The following SUGCT variants were observed in gnomAD, a reference collection of about 807,000 sequenced individuals.
The protein encoded by SUGCT is succinyl-CoA:glutarate-CoA transferase.
Under a neutral mutation model 55.0 loss-of-function variants are expected in SUGCT, and 41 were observed. The ratio of observed to expected loss-of-function variants is 0.74; its 90% CI spans 0.58 to 0.97. The LOEUF (loss-of-function observed/expected upper bound fraction) is 0.97. Among genes scored for constraint, SUGCT ranks in the 50% least tolerant of loss-of-function variants. The pLI, the probability that SUGCT is intolerant of heterozygous loss-of-function variation, is 0.00. For synonymous variants in SUGCT, 187 were observed against 200.4 expected (o/e 0.93, Z 0.56); for missense variants, 568 against 547.8 (o/e 1.04, Z -0.37).
At chr7:40,329,702 ATT>A (rs903208627) in intron 9 of SUGCT, among the ~76,000 whole-genome samples, 10 of 152,102 alleles carry the variant, frequency 6.6e-5, no homozygotes, top group African/African-American at 2.4e-4. Context: ...TGCACAGGTG[ATT>A]TGTTTTCCTT....
chr7:40,368,961 A>G (rs919924167), intron 9 of SUGCT, among the ~76,000 whole-genome samples: 2 of 152,014 alleles, frequency 1.3e-5, no homozygotes, highest in African/African-American at 4.8e-5. Context: ...AAAATTAGCT[A>G]GGCATGGTGG....
chr7:40,904,009 A>G, the SUGCT span, among the ~76,000 whole-genome samples: 3 of 152,308 alleles, frequency 2.0e-5, no homozygotes, highest in Non-Finnish European at 2.9e-5. Context: ...CGCAGCTTAC[A>G]TCACGCATAC....
intron 11 of SUGCT, among the ~76,000 whole-genome samples, chr7:40,460,081 G>GCA (rs1789709125): frequency 6.6e-6 from 1 of 152,064 alleles, no homozygotes; most frequent in Non-Finnish European, 1.5e-5. Flanking sequence ...GTGTTTCTAT[G>GCA]TAGTATACAT....
chr7:40,154,086 T>G, intron 1 of SUGCT: 1 of 241,910 alleles, frequency 4.1e-6, no homozygotes, highest in East Asian at 1.1e-4. Context: ...TGCTGCAGTT[T>G]ATATTTTGAA....
At chr7:40,710,586 G>A (rs2128671043) in intron 12 of SUGCT, among the ~76,000 whole-genome samples, 1 of 152,134 alleles carries the variant, frequency 6.6e-6, no homozygotes, top group South Asian at 2.1e-4. Context: ...CTGTGTGTGT[G>A]CAAGCAGGAG....
In SUGCT at chr7:40,406,288, T is replaced by C. The variant is rs77161345; in HGVS notation, c.817-42999T>C. On this transcript the variant is annotated intron_variant, in intron 9 of 13. Coordinates refer to ENST00000335693, the MANE Select transcript of SUGCT (RefSeq NM_001193313.2). ...ATCTTAGGTTTGACAATGGTAATAT[T>C]ATATATAGGAGTAACTGGGGAGGTT... Among the ~76,000 whole-genome samples the C allele has an allele frequency of 4.9e-3, 744 of 152,146 alleles. 2 individuals are homozygous for C. Among genetic ancestry groups the C allele is most frequent in the African/African-American group, 0.017 (710 of 41,526 alleles).
intron 12 of SUGCT, among the ~76,000 whole-genome samples, chr7:40,659,551 G>T (rs1801200313): frequency 1.3e-5 from 2 of 152,206 alleles, no homozygotes; most frequent in Non-Finnish European, 2.9e-5. Flanking sequence ...TCCTGTTCTA[G>T]TAGTCACATA....
chr7:40,603,351 A>G (rs533677537), intron 12 of SUGCT, among the ~76,000 whole-genome samples: 1 of 152,198 alleles, frequency 6.6e-6, no homozygotes, highest in Non-Finnish European at 1.5e-5. Context: ...CCATAAACCC[A>G]ATAAAAAAGA....
At chr7:40,595,147 T>C (rs1395864507) in intron 12 of SUGCT, among the ~76,000 whole-genome samples, 1 of 152,194 alleles carries the variant, frequency 6.6e-6, no homozygotes, top group East Asian at 1.9e-4. Context: ...ATTATGTTTA[T>C]ACTATCCGCC....
chr7:40,151,456 GA>G (rs543954058), intron 1 of SUGCT, among the ~76,000 whole-genome samples: 155 of 152,324 alleles, frequency 1.0e-3, no homozygotes, highest in African/African-American at 3.6e-3. Flanking sequence ...CAGTGACTGT[GA>G]GCTCCTTAGG....
chr7:41,038,584 G>A, the SUGCT span, among the ~76,000 whole-genome samples: 3 of 152,290 alleles, frequency 2.0e-5, no homozygotes, highest in East Asian at 5.8e-4. Flanking sequence ...GGAAAGGAAG[G>A]TGAGTTGCCT....
chr7:40,210,539 AAG>A (rs1787276205), intron 6 of SUGCT, among the ~76,000 whole-genome samples: 1 of 152,034 alleles, frequency 6.6e-6, no homozygotes, highest in Non-Finnish European at 1.5e-5. Flanking sequence ...GGTGCTGTAT[AAG>A]AAATAGCACT....
intron 12 of SUGCT, among the ~76,000 whole-genome samples, chr7:40,663,751 T>G (rs1421459291): frequency 6.6e-6 from 1 of 152,208 alleles, no homozygotes; most frequent in East Asian, 1.9e-4. Flanking sequence ...GAATTGTGTC[T>G]GGTAGAACCT....
chr7:40,715,151 T>C (rs906338318), intron 12 of SUGCT, among the ~76,000 whole-genome samples: 4 of 152,152 alleles, frequency 2.6e-5, no homozygotes, highest in Non-Finnish European at 4.4e-5. Context: ...ATAAACTCTC[T>C]CCTTTGTTCT....
At chr7:40,874,647 G>A in the SUGCT span, among the ~76,000 whole-genome samples, 1 of 152,052 alleles carries the variant, frequency 6.6e-6, no homozygotes, top group Non-Finnish European at 1.5e-5. Flanking sequence ...TATATTCTCT[G>A]TATAACATAT....
At chr7:40,485,970 A>G (rs559626792) in intron 11 of SUGCT, among the ~76,000 whole-genome samples, 4 of 152,130 alleles carry the variant, frequency 2.6e-5, no homozygotes, top group African/African-American at 7.2e-5. Flanking sequence ...TTGGCCTGTA[A>G]TTTTCTTTTA....
At chr7:40,943,768 GATTT>G in the SUGCT span, among the ~76,000 whole-genome samples, 1 of 152,084 alleles carries the variant, frequency 6.6e-6, no homozygotes, top group Non-Finnish European at 1.5e-5. Context: ...ATAGCAGCGT[GATTT>G]ATAGTCCTTT....
the SUGCT span, among the ~76,000 whole-genome samples, chr7:41,022,662 A>G: frequency 6.6e-6 from 1 of 152,226 alleles, no homozygotes; most frequent in Non-Finnish European, 1.5e-5. Flanking sequence ...GAAACACTCC[A>G]TAGAACTAAT....
At chr7:40,749,048 G>C (rs1035728871) in intron 12 of SUGCT, among the ~76,000 whole-genome samples, 1 of 152,148 alleles carries the variant, frequency 6.6e-6, no homozygotes, top group East Asian at 1.9e-4. Context: ...CTCTGTTTGA[G>C]GTCCTATTTC....
Sources: gnomAD v4.1 joint callset for allele counts (sites outside exome capture counted in the v4.1 genomes callset) on GRCh38, gnomAD v4.1.1 for gene constraint, MANE v1.5 for transcripts, NCBI Gene and HGNC (gene_info 2026-07-23, HGNC 2026-07-21) for gene names.